THSD7A: variants seen among roughly 807,000 people sequenced by gnomAD.
THSD7A encodes thrombospondin type 1 domain containing 7A, also known as thrombospondin type-1 domain-containing protein 7A.
In THSD7A, 96 loss-of-function variants were observed where a neutral mutation model predicts 231.3. The ratio of observed to expected loss-of-function variants is 0.41; its 90% CI spans 0.35 to 0.49. The LOEUF is 0.49. THSD7A is among the 20% of genes least tolerant of loss of function. The probability of loss-of-function intolerance (pLI) is 0.05; values close to 1 mark genes in which losing one functional copy is unlikely to be tolerated. For synonymous variants in THSD7A, 940 were observed against 743.3 expected (o/e 1.26, Z -4.30); for missense variants, 2,290 against 2,070.2 (o/e 1.11, Z -2.06).
chr7:11,418,914 A>G (rs1005484473), intron 16 of THSD7A, among the ~76,000 whole-genome samples: 7 of 152,082 alleles, frequency 4.6e-5, no homozygotes, highest in South Asian at 2.1e-4. Context: ...TGAAAAAAAT[A>G]AATCAAATTG....
intron 4 of THSD7A, among the ~76,000 whole-genome samples, chr7:11,586,119 C>T (rs1194508031): frequency 6.6e-6 from 1 of 152,050 alleles, no homozygotes; most frequent in Non-Finnish European, 1.5e-5. Flanking sequence ...AAGTGGTATG[C>T]TTAGAAATAC....
chr7:11,479,292 T>A (rs1045453478), intron 7 of THSD7A, among the ~76,000 whole-genome samples: 14 of 152,212 alleles, frequency 9.2e-5, no homozygotes, highest in African/African-American at 3.4e-4. Flanking sequence ...CTGATTAAGA[T>A]AAGTGAAAGT....
chr7:11,547,325 C>G (rs1789442343), intron 4 of THSD7A, among the ~76,000 whole-genome samples: 1 of 152,124 alleles, frequency 6.6e-6, no homozygotes, highest in African/African-American at 2.4e-5. Context: ...TATAAATAGG[C>G]TAAACACTCC....
intron 4 of THSD7A, among the ~76,000 whole-genome samples, chr7:11,548,640 C>T (rs1277714305): frequency 6.6e-6 from 1 of 152,086 alleles, no homozygotes; most frequent in Non-Finnish European, 1.5e-5. Flanking sequence ...AATCCAGTAA[C>T]ACATCAGAAA....
At chr7:11,781,398 A>T (rs773576610) in intron 1 of THSD7A, among the ~76,000 whole-genome samples, 53 of 152,206 alleles carry the variant, frequency 3.5e-4, no homozygotes, top group African/African-American at 1.2e-3. Context: ...CAGGCTGCAA[A>T]TAGCACCACT....
intron 4 of THSD7A, among the ~76,000 whole-genome samples, chr7:11,561,794 G>A (rs1041068999): frequency 2.0e-5 from 3 of 152,168 alleles, no homozygotes; most frequent in Non-Finnish European, 4.4e-5. Context: ...AGAGGTTGCA[G>A]TGAGGGAGGT....
At chr7:11,575,916 CT>C (rs986854737) in intron 4 of THSD7A, among the ~76,000 whole-genome samples, 32 of 152,070 alleles carry the variant, frequency 2.1e-4, no homozygotes, top group African/African-American at 7.5e-4. Context: ...GTTACAGTGT[CT>C]TTTTTATGAA....
intron 6 of THSD7A, among the ~76,000 whole-genome samples, chr7:11,484,015 GC>G (rs1436915495): frequency 1.3e-5 from 2 of 148,776 alleles, no homozygotes; most frequent in East Asian, 2.0e-4. Flanking sequence ...CACTCCCCCT[GC>G]CCCCCATCCG....
chr7:11,706,785 C>G (rs1780783387), intron 1 of THSD7A, among the ~76,000 whole-genome samples: 1 of 150,264 alleles, frequency 6.7e-6, no homozygotes, highest in African/African-American at 2.4e-5. Context: ...CCATGCTTAA[C>G]AGAAAATCAT....
chr7:11,476,769 C>G (rs1410152539), intron 7 of THSD7A, among the ~76,000 whole-genome samples: 1 of 147,078 alleles, frequency 6.8e-6, no homozygotes, highest in Non-Finnish European at 1.5e-5. Flanking sequence ...GAGCCAAGAT[C>G]GGGCCACTGC....
intron 1 of THSD7A, among the ~76,000 whole-genome samples, chr7:11,712,627 C>T (rs1311761779): frequency 6.6e-6 from 1 of 150,898 alleles, no homozygotes; most frequent in Non-Finnish European, 1.5e-5. Context: ...TATGCTTGAC[C>T]CAAATGAACT....
At chr7:11,445,825 G>A (rs1784950095) in intron 13 of THSD7A, among the ~76,000 whole-genome samples, 1 of 151,900 alleles carries the variant, frequency 6.6e-6, no homozygotes, top group Non-Finnish European at 1.5e-5. Context: ...CAAGATTTGG[G>A]CCCCATCAGG....
chr7:11,737,529 A>G (rs1781958177), intron 1 of THSD7A, among the ~76,000 whole-genome samples: 1 of 152,016 alleles, frequency 6.6e-6, no homozygotes, highest in Non-Finnish European at 1.5e-5. Flanking sequence ...GATATTTTAC[A>G]GAAACTCTGT....
intron 6 of THSD7A, among the ~76,000 whole-genome samples, chr7:11,485,083 G>A (rs1454637016): frequency 1.3e-5 from 2 of 151,368 alleles, no homozygotes; most frequent in African/African-American, 4.9e-5. Context: ...CAGAGAAGGG[G>A]TTTCACCATA....
chr7:11,375,766 A>T lies in THSD7A; in HGVS notation c.*28T>A. 5 of 1,602,800 alleles carry T rather than the reference A, an allele frequency of 3.1e-6. No homozygotes were observed. Among genetic ancestry groups the T allele is most frequent in the African/African-American group, 1.3e-5 (1 of 74,626 alleles). ...ACATCTATGAAGTCAGAAAGCCGAA[A>T]CTGGTTGTTGCCAGGAAAAGTTATA... On this transcript the variant is annotated 3_prime_UTR_variant, in exon 28 of 28. Transcript: ENST00000423059.
chr7:11,498,196 C>A (rs987725845), intron 6 of THSD7A, among the ~76,000 whole-genome samples: 24 of 152,160 alleles, frequency 1.6e-4, no homozygotes, highest in African/African-American at 5.8e-4. Context: ...ACTTTCATGG[C>A]ACCTCATATG....
At chr7:11,536,637 C>T (rs916025441) in intron 6 of THSD7A, among the ~76,000 whole-genome samples, 3 of 152,126 alleles carry the variant, frequency 2.0e-5, no homozygotes, top group Admixed American at 6.5e-5. Flanking sequence ...TTTAGGAGCT[C>T]AAGACCCTTT....
At chr7:11,409,272 C>T (rs942423732) in intron 19 of THSD7A, among the ~76,000 whole-genome samples, 3 of 152,046 alleles carry the variant, frequency 2.0e-5, no homozygotes, top group Non-Finnish European at 4.4e-5. Context: ...ATAACAATGC[C>T]ATCTTTCTTT....
chr7:11,678,129 A>C (rs911134678), intron 1 of THSD7A, among the ~76,000 whole-genome samples: 1 of 152,180 alleles, frequency 6.6e-6, no homozygotes, highest in Non-Finnish European at 1.5e-5. Flanking sequence ...AGAAATAAAT[A>C]TGTTCTTTGA....
Sources: gnomAD v4.1 joint callset for allele counts (sites outside exome capture counted in the v4.1 genomes callset) on GRCh38, gnomAD v4.1.1 for gene constraint, MANE v1.5 for transcripts, NCBI Gene and HGNC (gene_info 2026-07-23, HGNC 2026-07-21) for gene names.